The following TRAF3IP3 variants were observed in gnomAD, a reference collection of about 807,000 sequenced individuals.
TRAF3IP3 encodes TRAF3 interacting protein 3, also known as TRAF3-interacting JNK-activating modulator.
TRAF3IP3 carries 64 observed loss-of-function variants against 86.5 expected under a neutral mutation model. That is an observed-to-expected ratio of 0.74 (90% CI 0.60 to 0.91). The LOEUF is 0.91. Ranked by LOEUF, TRAF3IP3 falls within the 40% of genes least tolerant of loss-of-function variation. The probability of loss-of-function intolerance (pLI) is 0.00; values close to 1 mark genes in which losing one functional copy is unlikely to be tolerated. For missense variants in TRAF3IP3, 579 were observed against 642.9 expected, an observed-to-expected ratio of 0.90 and a Z score of 1.07; for synonymous variants, 220 against 243.9, an observed-to-expected ratio of 0.90 and a Z score of 0.91.
chr1:209,770,750 T>C (rs2077466589), intron 8 of TRAF3IP3, among the ~76,000 whole-genome samples: 3 of 142,316 alleles, frequency 2.1e-5, no homozygotes, highest in East Asian at 2.3e-4. Flanking sequence ...GGTGTGCGTG[T>C]GCAGGTGGAG....
At chr1:209,758,418 C>T (rs1233291849) in intron 1 of TRAF3IP3, 1 of 152,130 alleles carries the variant, frequency 6.6e-6, no homozygotes, top group African/African-American at 2.4e-5. Context: ...CCACACAAAA[C>T]TCCTCTCAGG....
rs779988172 is a variant in TRAF3IP3, at chr1:209,777,385, G to T, written c.1087G>T (p.Ala363Ser). The change falls in exon 12 of 17, where the codon GCC (alanine) becomes TCC (serine). Residue 363 changes from alanine to serine, a missense_variant. Ala to Ser is a moderately conservative substitution (Grantham distance 99, BLOSUM62 1). Coordinates refer to ENST00000367025, the MANE Select transcript of TRAF3IP3 (RefSeq NM_025228.4). ...TAGCAGGGACTTACAGATGAACCAGGCCCTGCGATTTTTGGAAAATGAGCA... is the reference window on the plus strand; with the variant it reads ...TAGCAGGGACTTACAGATGAACCAGTCCCTGCGATTTTTGGAAAATGAGCA... ...ADSRDLQMNQ[A>S]LRFLENEHQQ... is the part of the protein sequence containing the mutation. 45 of 1,613,844 alleles carry T rather than the reference G, an allele frequency of 2.8e-5. No individual in the cohort carries two copies. Among genetic ancestry groups the T allele is most frequent in the Admixed American group, 8.3e-5 (5 of 59,976 alleles).
intron 8 of TRAF3IP3, among the ~76,000 whole-genome samples, chr1:209,771,443 A>AGG (rs771503302): frequency 0.19 from 14,489 of 76,472 alleles, 2,362 homozygotes; most frequent in African/African-American, 0.48. Context: ...GTGCATGTGG[A>AGG]GGTGTGTGTG....
At chr1:209,777,329 T>C (rs2077677100) in intron 11 of TRAF3IP3, 23 bp from the exon 12 acceptor site, 1 of 1,608,766 alleles carries the variant, frequency 6.2e-7, no homozygotes, top group African/African-American at 1.3e-5. Flanking sequence ...TCCTTCTATA[T>C]TGGCCCTTCC....
chr1:209,771,650 G>GGTGTGC (rs2077531947), intron 8 of TRAF3IP3, among the ~76,000 whole-genome samples: 1 of 142,946 alleles, frequency 7.0e-6, no homozygotes, highest in Non-Finnish European at 1.5e-5. Context: ...TGCATGTGAA[G>GGTGTGC]GTGTGCATGT....
At position 209,760,248 on chromosome 1, in the gene TRAF3IP3, A is replaced by T. The variant is rs555004337; in HGVS notation, c.209A>T (p.Asn70Ile). The change falls in exon 3 of 17, where the codon AAC becomes ATC. Residue 70 changes from asparagine to isoleucine, a missense_variant. Physicochemically the swap from Asn to Ile is moderately radical, Grantham distance 149. Transcript: ENST00000367025. ...CTGCAGCAGTTCTTCAGGAGGAGGAACCTGGAGCTAGAGGAGAAGGGCAAA... is the reference window on the plus strand; with the variant it reads ...CTGCAGCAGTTCTTCAGGAGGAGGATCCTGGAGCTAGAGGAGAAGGGCAAA... The part of the protein sequence containing the change: ...ARLQQFFRRR[N>I]LELEEKGKAQ... 5.6e-6 allele frequency: 9 copies of T among 1,614,228 alleles called. No homozygotes were observed. In the East Asian group the frequency reaches 2.0e-4, roughly 36 times the overall value.
In TRAF3IP3 at chr1:209,782,137, C is replaced by T; in HGVS notation, c.1645C>T (p.Leu549=). The change falls in exon 17 of 17, where the codon CTG becomes TTG. Residue 549 remains leucine (L), a synonymous_variant. Transcript: ENST00000367025. ...LAVFLANKDN[L]MI ...AGTGTTCCTGGCCAATAAAGACAACCTGATGATCTGAATAATTTGTGACAA... is the reference window on the plus strand; with the variant it reads ...AGTGTTCCTGGCCAATAAAGACAACTTGATGATCTGAATAATTTGTGACAA... 6.2e-7 allele frequency: 1 copy of T among 1,613,616 alleles called. No homozygotes were observed. The highest frequency in any genetic ancestry group is 1.7e-4 in the Middle Eastern group (1 of 6,060).
intron 6 of TRAF3IP3, 54 bp downstream of exon 6, chr1:209,763,146 A>T: frequency 6.3e-7 from 1 of 1,576,576 alleles, no homozygotes; most frequent in Non-Finnish European, 8.7e-7. Flanking sequence ...AAGCTCTGAC[A>T]TTCTGGAATT....
Position 209,782,000 on chromosome 1 carries a change from A to G in TRAF3IP3, c.1564-56A>G, listed in dbSNP as rs140967802. 5.1e-5 allele frequency: 73 copies of G among 1,428,772 alleles called. No homozygotes were observed. In the African/African-American group the frequency reaches 5.2e-4, roughly 10 times the overall value. The allele number at this position is 1,428,772 out of a possible 1,614,324, so 88.5% of individuals were successfully genotyped here. ...GTAGGAAGAAGAAAGATTTTTGCCT[A>G]TATCTTTTCCAATCCACTCATGGCC... On this transcript the variant is annotated intron_variant, in intron 16 of 16. Coordinates refer to ENST00000367025, the MANE Select transcript of TRAF3IP3 (RefSeq NM_025228.4).
At chr1:209,781,991 T>C (rs2077791926) in intron 16 of TRAF3IP3, 65 bp from the exon 17 acceptor site, 2 of 1,351,602 alleles carry the variant, frequency 1.5e-6, no homozygotes, top group East Asian at 2.3e-5. Flanking sequence ...AGAAGAAAGA[T>C]TTTTGCCTAT....
At chr1:209,760,442 G>A in intron 3 of TRAF3IP3, 58 bp downstream of exon 3, 1 of 1,430,530 alleles carries the variant, frequency 7.0e-7, no homozygotes, top group Non-Finnish European at 9.4e-7. Context: ...TGGACAAGGA[G>A]GGTGGGTGGG....
chr1:209,778,324 A>G, intron 13 of TRAF3IP3, 151 bp downstream of exon 13: 1 of 595,810 alleles, frequency 1.7e-6, no homozygotes, highest in South Asian at 2.2e-5. Context: ...AAGTGAGGTC[A>G]TTTACATAGC....
intron 14 of TRAF3IP3, chr1:209,779,636 T>C (rs1016089225): frequency 3.3e-6 from 2 of 608,874 alleles, no homozygotes; most frequent in African/African-American, 3.7e-5. Flanking sequence ...AACATTTCAA[T>C]AAATTTATTT....
intron 8 of TRAF3IP3, among the ~76,000 whole-genome samples, chr1:209,765,205 GA>G (rs1309832536): frequency 7.3e-6 from 1 of 137,218 alleles, no homozygotes; most frequent in Non-Finnish European, 1.5e-5. Context: ...GAGAGAGAGA[GA>G]GAGAGAGGGA....
chr1:209,775,743 G>A lies in TRAF3IP3; in HGVS notation c.1053+7G>A. 1 of 1,605,716 alleles carries A rather than the reference G, an allele frequency of 6.2e-7. No individual in the cohort carries two copies. The highest frequency in any genetic ancestry group is 8.5e-7 in the Non-Finnish European group (1 of 1,175,830). On this transcript the variant is annotated splice_region_variant and intron_variant, in intron 11 of 16. Transcript: ENST00000367025. ...GCTTCAGTCCAAACTGCAGGTACCA[G>A]GCACTGGGGGTGGGGAGGGAAGACA...
intron 12 of TRAF3IP3, 95 bp from the exon 13 acceptor site, chr1:209,778,016 T>C (rs2077694621): frequency 1.8e-6 from 2 of 1,114,534 alleles, no homozygotes; most frequent in South Asian, 1.3e-5. Flanking sequence ...TTAAAGACCA[T>C]GACAAGACAG....
chr1:209,763,211 G>A (rs1338642341), intron 6 of TRAF3IP3, 119 bp downstream of exon 6: 11 of 1,382,986 alleles, frequency 8.0e-6, no homozygotes, highest in South Asian at 2.3e-5. Flanking sequence ...TGGCAAGGGG[G>A]TACTGAGCAT....
chr1:209,761,804 C>G (rs1301622289), intron 3 of TRAF3IP3, among the ~76,000 whole-genome samples: 1 of 152,260 alleles, frequency 6.6e-6, no homozygotes, highest in Non-Finnish European at 1.5e-5. Context: ...CCTCACTCCC[C>G]ACTCAGACCA....
chr1:209,764,548 C>T (rs529130430), intron 8 of TRAF3IP3, among the ~76,000 whole-genome samples: 48 of 152,166 alleles, frequency 3.2e-4, no homozygotes, highest in African/African-American at 1.1e-3. Flanking sequence ...TCAAGACCAG[C>T]CTGGCCAACA....
Sources: gnomAD v4.1 joint callset for allele counts (sites outside exome capture counted in the v4.1 genomes callset) on GRCh38, gnomAD v4.1.1 for gene constraint, MANE v1.5 for transcripts, NCBI Gene and HGNC (gene_info 2026-07-23, HGNC 2026-07-21) for gene names.